Variants in TNNI3K observed in about 807,000 individuals in gnomAD.
TNNI3K encodes TNNI3 interacting kinase.
TNNI3K carries 140 observed loss-of-function variants against 114.5 expected under a neutral mutation model. The observed-to-expected ratio is 1.22, with a 90% CI of 1.07 to 1.41. TNNI3K has a LOEUF of 1.41. Among genes scored for constraint, TNNI3K ranks in the 40% most tolerant of loss-of-function variants. The pLI, the probability that TNNI3K is intolerant of heterozygous loss-of-function variation, is 0.00. For synonymous variants in TNNI3K, 347 were observed against 347.5 expected, an observed-to-expected ratio of 1.00 and a Z score of 0.02; for missense variants, 1,125 against 1,007.6, an observed-to-expected ratio of 1.12 and a Z score of -1.58.
At chr1:74,540,109 TA>T in intron 23 of TNNI3K, 124 bp from the exon 24 acceptor site, 2 of 992,174 alleles carry the variant, frequency 2.0e-6, no homozygotes, top group Non-Finnish European at 2.9e-6. Context: ...ACTGTTAAGA[TA>T]AAAGCTGCTT....
intron 16 of TNNI3K, chr1:74,369,988 T>C: frequency 4.2e-6 from 1 of 238,066 alleles, no homozygotes; most frequent in Non-Finnish European, 8.0e-6. Context: ...TGTAGTTTCA[T>C]ACAGTGATTA....
At chr1:74,251,112 T>C (rs1310908972) in intron 4 of TNNI3K, among the ~76,000 whole-genome samples, 1 of 152,174 alleles carries the variant, frequency 6.6e-6, no homozygotes, top group African/African-American at 2.4e-5. Flanking sequence ...CAGAACACCA[T>C]GATGCCTCTG....
intron 23 of TNNI3K, among the ~76,000 whole-genome samples, chr1:74,518,228 A>T (rs144294993): frequency 0.022 from 3,360 of 152,250 alleles, 56 homozygotes; most frequent in Admixed American, 0.042. Flanking sequence ...GAGTTGTCAG[A>T]TGTGACAGTC....
intron 9 of TNNI3K, among the ~76,000 whole-genome samples, chr1:74,346,688 A>G (rs1391329190): frequency 1.3e-5 from 2 of 149,584 alleles, no homozygotes; most frequent in Admixed American, 6.8e-5. Flanking sequence ...TCAGGGCTGC[A>G]TTTGTTTGTT....
chr1:74,262,609 T>C (rs960365196), intron 4 of TNNI3K, among the ~76,000 whole-genome samples: 4 of 151,988 alleles, frequency 2.6e-5, no homozygotes, highest in Middle Eastern at 3.2e-3. Flanking sequence ...CAGTTAGTGA[T>C]GACTTTTAAA....
intron 4 of TNNI3K, among the ~76,000 whole-genome samples, chr1:74,266,654 A>G (rs1656010485): frequency 6.6e-6 from 1 of 151,992 alleles, no homozygotes; most frequent in Non-Finnish European, 1.5e-5. Context: ...TTTGTTTAAT[A>G]AATAAATTTT....
At chr1:74,265,173 G>A (rs1655895414) in intron 4 of TNNI3K, among the ~76,000 whole-genome samples, 3 of 151,912 alleles carry the variant, frequency 2.0e-5, no homozygotes, top group Non-Finnish European at 4.4e-5. Context: ...TGCCAATTGG[G>A]TTCTCTAAAA....
intron 23 of TNNI3K, among the ~76,000 whole-genome samples, chr1:74,501,474 G>GTGTT (rs71588835): frequency 0.13 from 19,714 of 149,848 alleles, 1,233 homozygotes; most frequent in East Asian, 0.16. Flanking sequence ...TTTTTGTTTT[G>GTGTT]TGTTTGTTTG....
At chr1:74,491,077 T>C (rs961473259) in intron 22 of TNNI3K, among the ~76,000 whole-genome samples, 2 of 152,164 alleles carry the variant, frequency 1.3e-5, no homozygotes, top group Admixed American at 1.3e-4. Flanking sequence ...TTTAAAGGAA[T>C]AATTAAAACT....
chr1:74,329,273 G>A (rs1036019784), intron 5 of TNNI3K, among the ~76,000 whole-genome samples: 2 of 152,010 alleles, frequency 1.3e-5, no homozygotes, highest in Admixed American at 1.3e-4. Context: ...AGTAGACTTT[G>A]ATTACCACTG....
At chr1:74,355,755 G>A (rs2100485755) in intron 11 of TNNI3K, among the ~76,000 whole-genome samples, 1 of 152,292 alleles carries the variant, frequency 6.6e-6, no homozygotes, top group Middle Eastern at 3.4e-3. Context: ...AAGGAAAAAT[G>A]TACAGGTCTG....
intron 20 of TNNI3K, among the ~76,000 whole-genome samples, chr1:74,457,885 G>A (rs1320700552): frequency 1.3e-5 from 2 of 152,104 alleles, no homozygotes; most frequent in African/African-American, 4.8e-5. Context: ...CAGTGAGATA[G>A]GTTGTAGCCT....
chr1:74,506,959 A>T (rs897672711), intron 23 of TNNI3K, among the ~76,000 whole-genome samples: 3 of 152,130 alleles, frequency 2.0e-5, no homozygotes, highest in African/African-American at 7.2e-5. Context: ...AAGTTTCTTG[A>T]GGGGGAGAGC....
At chr1:74,426,042 A>T (rs1439946885) in intron 17 of TNNI3K, among the ~76,000 whole-genome samples, 1 of 152,116 alleles carries the variant, frequency 6.6e-6, no homozygotes, top group Non-Finnish European at 1.5e-5. Flanking sequence ...GTGAATTTTC[A>T]AAGTGTCCTT....
chr1:74,472,420 T>A (rs1179913390), intron 21 of TNNI3K, among the ~76,000 whole-genome samples: 1 of 152,224 alleles, frequency 6.6e-6, no homozygotes. Context: ...TCAGTTGCGA[T>A]GCTGACTTAA....
intron 2 of TNNI3K, among the ~76,000 whole-genome samples, chr1:74,249,216 G>C (rs1052316910): frequency 6.6e-6 from 1 of 151,420 alleles, no homozygotes; most frequent in East Asian, 1.9e-4. Flanking sequence ...AGTGATTCTG[G>C]AGCAACTATT....
At chr1:74,337,170 G>A (rs1354484263) in intron 7 of TNNI3K, among the ~76,000 whole-genome samples, 1 of 152,056 alleles carries the variant, frequency 6.6e-6, no homozygotes, top group Non-Finnish European at 1.5e-5. Flanking sequence ...GTCTGTTCAT[G>A]TCCTTCACCC....
At chr1:74,464,443 C>A (rs762773349) in intron 21 of TNNI3K, among the ~76,000 whole-genome samples, 1 of 152,178 alleles carries the variant, frequency 6.6e-6, no homozygotes, top group South Asian at 2.1e-4. Context: ...TTTTTCCATC[C>A]TAAACCATCC....
rs1220331152 is a variant in TNNI3K, at chr1:74,367,352, T to C, written c.1264+10T>C. On this transcript the variant is annotated intron_variant, in intron 12 of 24. Coordinates refer to ENST00000326637, the MANE Select transcript of TNNI3K (RefSeq NM_015978.3). The stretch of plus-strand genomic sequence containing the variant: ...TCTCAGCCTGGAGGAGGTACCCCTT[T>C]TCTTATTCAGTTTTCATTATTGTAT... 6.2e-7 allele frequency: 1 copy of C among 1,611,118 alleles called. No homozygotes were observed. The highest frequency in any genetic ancestry group is 8.5e-7 in the Non-Finnish European group (1 of 1,178,276).
Sources: gnomAD v4.1 joint callset for allele counts (sites outside exome capture counted in the v4.1 genomes callset) on GRCh38, gnomAD v4.1.1 for gene constraint, MANE v1.5 for transcripts, NCBI Gene and HGNC (gene_info 2026-07-23, HGNC 2026-07-21) for gene names.